The following SGCZ variants were observed in gnomAD, a reference collection of about 807,000 sequenced individuals.
The protein encoded by SGCZ is zeta-sarcoglycan.
A neutral mutation model predicts 41.3 loss-of-function variants in SGCZ; 40 were observed. The observed-to-expected ratio is 0.97, with a 90% CI of 0.75 to 1.26. The LOEUF is 1.26. Ranked by LOEUF, SGCZ falls within the 50% of genes most tolerant of loss-of-function variation. The pLI is 0.00. For missense variants in SGCZ, 552 were observed against 369.8 expected (o/e 1.49, Z -4.04); for synonymous variants, 206 against 137.5 (o/e 1.50, Z -3.49).
chr8:14,241,209 A>G (rs967168736), intron 3 of SGCZ, among the ~76,000 whole-genome samples: 1 of 151,912 alleles, frequency 6.6e-6, no homozygotes, highest in African/African-American at 2.4e-5. Context: ...GTGTGTTCCA[A>G]AATTTTGAAA....
intron 3 of SGCZ, among the ~76,000 whole-genome samples, chr8:14,300,026 T>C (rs564775219): frequency 2.0e-5 from 3 of 151,954 alleles, no homozygotes; most frequent in East Asian, 3.9e-4. Context: ...GTAGGCAAAA[T>C]TGATCTATGG....
intron 5 of SGCZ, 58 bp downstream of exon 5, chr8:14,164,522 T>G (rs1261482361): frequency 1.3e-6 from 2 of 1,598,268 alleles, no homozygotes; most frequent in Non-Finnish European, 1.7e-6. Context: ...AAGCTCCTTG[T>G]GCAGTTGTAT....
At chr8:15,191,665 TAAC>T (rs1800544577) in intron 1 of SGCZ, among the ~76,000 whole-genome samples, 1 of 151,980 alleles carries the variant, frequency 6.6e-6, no homozygotes. Flanking sequence ...TAAAAATAAC[TAAC>T]ATTTAGGAAA....
chr8:14,713,511 C>A (rs188865644), intron 1 of SGCZ, among the ~76,000 whole-genome samples: 1 of 152,106 alleles, frequency 6.6e-6, no homozygotes, highest in Non-Finnish European at 1.5e-5. Flanking sequence ...CCAACTGACT[C>A]ACACTTTACA....
intron 2 of SGCZ, among the ~76,000 whole-genome samples, chr8:14,501,329 T>A (rs1044201808): frequency 6.6e-6 from 1 of 152,032 alleles, no homozygotes; most frequent in Non-Finnish European, 1.5e-5. Flanking sequence ...ATCTGCAGCA[T>A]CATTTCCCTT....
chr8:15,076,747 C>G (rs1199996723), intron 1 of SGCZ, among the ~76,000 whole-genome samples: 1 of 143,042 alleles, frequency 7.0e-6, no homozygotes, highest in Admixed American at 6.9e-5. Flanking sequence ...TTAAATAAGT[C>G]TCTCTCATTT....
intron 1 of SGCZ, among the ~76,000 whole-genome samples, chr8:14,909,504 T>C (rs1005029099): frequency 6.6e-5 from 10 of 152,180 alleles, no homozygotes; most frequent in Non-Finnish European, 1.3e-4. Flanking sequence ...TATCTGTGTC[T>C]GATTTATCTG....
intron 2 of SGCZ, among the ~76,000 whole-genome samples, chr8:14,339,465 T>A (rs192785978): frequency 6.6e-6 from 1 of 152,214 alleles, no homozygotes; most frequent in Non-Finnish European, 1.5e-5. Flanking sequence ...GGTAATGACC[T>A]CACCATCCAT....
At chr8:14,213,561 CCAAA>C (rs1430117667) in intron 4 of SGCZ, among the ~76,000 whole-genome samples, 1 of 151,686 alleles carries the variant, frequency 6.6e-6, no homozygotes, top group East Asian at 1.9e-4. Context: ...AGGAAACTTT[CCAAA>C]CAGATAAGCT....
Position 15,128,468 on chromosome 8 carries a change from C to T in SGCZ, c.39+109117G>A, listed in dbSNP as rs79602573. ...GCAGGCCTGCCTGCCTGGCTGAGCT[C>T]AGCACGCCATCTGTTCTGGGACTCC... On this transcript the variant is annotated intron_variant, in intron 1 of 7. Coordinates refer to ENST00000382080, the MANE Select transcript of SGCZ (RefSeq NM_139167.4). Among the ~76,000 whole-genome samples the T allele has an allele frequency of 4.2e-3, 638 of 152,332 alleles. 8 individuals carry two copies. Among genetic ancestry groups the T allele is most frequent in the African/African-American group, 0.014 (589 of 41,576 alleles).
Position 14,198,192 on chromosome 8 carries a change from G to A in SGCZ, c.425-33490C>T, listed in dbSNP as rs556899909. Among the ~76,000 whole-genome samples the A allele has an allele frequency of 2.6e-5, 4 of 152,302 alleles. No homozygotes were observed. The South Asian group carries it at 8.3e-4, about 32-fold the overall frequency. ...TCTCATTCTGTCCCACCTGGGACAT[G>A]AATCAGTCAGCCGTTTGTCTAGCAT... On this transcript the variant is annotated intron_variant, in intron 4 of 7. Transcript: ENST00000382080.
intron 6 of SGCZ, 118 bp from the exon 7 acceptor site, chr8:14,102,617 GACAGGCATAAAGGAAA>G: frequency 3.1e-6 from 3 of 964,582 alleles, no homozygotes; most frequent in Non-Finnish European, 4.0e-6. Context: ...CAACCAGACA[GACAGGCATAAAGGAAA>G]AGTCCTACCA....
chr8:14,617,297 G>A (rs1006697842), intron 1 of SGCZ, among the ~76,000 whole-genome samples: 1 of 152,100 alleles, frequency 6.6e-6, no homozygotes, highest in African/African-American at 2.4e-5. Context: ...GAACTTACAT[G>A]TGTGATTTGA....
intron 3 of SGCZ, among the ~76,000 whole-genome samples, chr8:14,258,930 G>T (rs4831288): frequency 0.97 from 147,262 of 152,290 alleles, 71,380 homozygotes; most frequent in Non-Finnish European, 1. Context: ...GTAGCATACA[G>T]GCAAAGGCAG....
chr8:14,645,669 C>A (rs953243670), intron 1 of SGCZ, among the ~76,000 whole-genome samples: 2 of 151,100 alleles, frequency 1.3e-5, no homozygotes, highest in Non-Finnish European at 3.0e-5. Context: ...CCATACGCAC[C>A]TTTTCATATT....
chr8:14,981,898 C>A (rs574414925), intron 1 of SGCZ, among the ~76,000 whole-genome samples: 3 of 152,156 alleles, frequency 2.0e-5, no homozygotes, highest in Non-Finnish European at 4.4e-5. Context: ...ACCTGTAATC[C>A]CAGCACTTTG....
At chr8:14,634,555 T>C (rs1338707013) in intron 1 of SGCZ, among the ~76,000 whole-genome samples, 2 of 151,820 alleles carry the variant, frequency 1.3e-5, no homozygotes, top group African/African-American at 2.4e-5. Flanking sequence ...ATAAATCAGA[T>C]TGAACCCTTA....
chr8:14,635,382 T>C (rs1418687692), intron 1 of SGCZ, among the ~76,000 whole-genome samples: 2 of 151,892 alleles, frequency 1.3e-5, no homozygotes, highest in African/African-American at 4.8e-5. Flanking sequence ...ACTTAATCTA[T>C]TATTCTTCAA....
In SGCZ at chr8:14,664,240, G is replaced by T. The variant is rs529887683; in HGVS notation, c.40-109314C>A. 3.3e-5 allele frequency among the ~76,000 whole-genome samples: 5 copies of T among 152,188 alleles called. No individual in the cohort carries two copies. The East Asian group carries it at 5.8e-4, about 18-fold the overall frequency. ...TTCCATTGCATTGAGCACACAAAAG[G>T]CTGACTCAATGACTGAAGATGGGAA... is the stretch of plus-strand genomic sequence containing the variant. On this transcript the variant is annotated intron_variant, in intron 1 of 7. Transcript: ENST00000382080.
Sources: gnomAD v4.1 joint callset for allele counts (sites outside exome capture counted in the v4.1 genomes callset) on GRCh38, gnomAD v4.1.1 for gene constraint, MANE v1.5 for transcripts, NCBI Gene and HGNC (gene_info 2026-07-23, HGNC 2026-07-21) for gene names.